MKX: variants seen among roughly 807,000 people sequenced by gnomAD.
MKX encodes mohawk homeobox.
In MKX, 13 loss-of-function variants were observed where a neutral mutation model predicts 36.0. The observed-to-expected ratio is 0.36, with a 90% confidence interval of 0.24 to 0.57. The LOEUF (loss-of-function observed/expected upper bound fraction) is 0.57, where lower values mean the gene tolerates loss of function less well. MKX is among the 20% of genes least tolerant of loss of function. The pLI is 0.79. For missense variants in MKX, 458 were observed against 456.4 expected, an observed-to-expected ratio of 1.00 and a Z score of -0.03; for synonymous variants, 176 against 178.3, an observed-to-expected ratio of 0.99 and a Z score of 0.10.
chr10:27,731,064 G>A (rs1417016082), intron 5 of MKX, among the ~76,000 whole-genome samples: 1 of 150,496 alleles, frequency 6.6e-6, no homozygotes, highest in Non-Finnish European at 1.5e-5. Context: ...AACTTGGGAG[G>A]TGGAGGTTGC....
chr10:27,734,548 T>C lies in MKX; in HGVS notation c.746A>G (p.Asn249Ser). The part of the protein sequence containing the change: ...TTMMGKTRQR[N>S]HSGSFSSNEF... The stretch of plus-strand genomic sequence containing the variant: ...ATTGGAGCTAAAAGATCCCGAGTGG[T>C]TTCTTTGCCTTGTTTTTCCCATCAT... Residue 249 changes from asparagine (N) to serine (S), a missense_variant, in exon 5 of 7, where the codon AAC becomes AGC. This residue lies in a region of MKX where 297 missense variants were observed against 304.4 expected (regional missense o/e 0.98). Coordinates refer to ENST00000419761, the MANE Select transcript of MKX (RefSeq NM_173576.3). The C allele has an allele frequency of 6.2e-7, 1 of 1,614,096 alleles. No individual in the cohort carries two copies. Among genetic ancestry groups the C allele is most frequent in the Non-Finnish European group, 8.5e-7 (1 of 1,180,006 alleles).
chr10:27,687,009 C>CT (rs773711831), intron 5 of MKX, among the ~76,000 whole-genome samples: 1,160 of 62,824 alleles, frequency 0.018, 15 homozygotes, highest in African/African-American at 0.032. Flanking sequence ...ACACCTCTCT[C>CT]TTTTTTTTTT....
intron 5 of MKX, among the ~76,000 whole-genome samples, chr10:27,683,002 G>T (rs78764535): frequency 4.0e-5 from 6 of 150,508 alleles, no homozygotes; most frequent in African/African-American, 1.5e-4. Flanking sequence ...AAAAAGAAAA[G>T]AAAAGAAAAG....
chr10:27,711,204 AG>A (rs1200708108), intron 5 of MKX, among the ~76,000 whole-genome samples: 1 of 152,226 alleles, frequency 6.6e-6, no homozygotes, highest in Non-Finnish European at 1.5e-5. Flanking sequence ...ACCACCAACA[AG>A]AAGAGAAGCT....
At chr10:27,712,971 T>C (rs1836899378) in intron 5 of MKX, among the ~76,000 whole-genome samples, 1 of 152,120 alleles carries the variant, frequency 6.6e-6, no homozygotes, top group African/African-American at 2.4e-5. Context: ...TCATATGAAT[T>C]GCTGTGATGG....
intron 5 of MKX, among the ~76,000 whole-genome samples, chr10:27,694,527 A>ATATATATATAT (rs1554770421): frequency 2.4e-4 from 28 of 114,332 alleles, no homozygotes; most frequent in East Asian, 1.8e-3. Context: ...AAAAAAAAAA[A>ATATATATATAT]ATATATATAT....
chr10:27,727,217 G>T (rs1052117976), intron 5 of MKX, among the ~76,000 whole-genome samples: 7 of 152,122 alleles, frequency 4.6e-5, no homozygotes, highest in Admixed American at 1.3e-4. Flanking sequence ...TCATACTTTC[G>T]ATTTGTTTAT....
At chr10:27,732,449 C>T (rs1834652446) in intron 5 of MKX, among the ~76,000 whole-genome samples, 2 of 152,232 alleles carry the variant, frequency 1.3e-5, no homozygotes, top group Admixed American at 1.3e-4. Flanking sequence ...AGTACTTCAT[C>T]ATAATTTTTT....
chr10:27,699,654 C>T (rs1237657244), intron 5 of MKX, among the ~76,000 whole-genome samples: 2 of 152,180 alleles, frequency 1.3e-5, no homozygotes, highest in Admixed American at 1.3e-4. Flanking sequence ...TAGAAAGAGA[C>T]TCCATTTAAT....
At chr10:27,706,023 T>TATC (rs1212586950) in intron 5 of MKX, among the ~76,000 whole-genome samples, 2 of 152,144 alleles carry the variant, frequency 1.3e-5, no homozygotes, top group South Asian at 2.1e-4. Flanking sequence ...TTCATTAAAC[T>TATC]ATCACTCCTC....
intron 3 of MKX, among the ~76,000 whole-genome samples, 163 bp from the exon 4 acceptor site, chr10:27,735,537 C>T (rs1834742418): frequency 6.6e-6 from 1 of 152,160 alleles, no homozygotes; most frequent in African/African-American, 2.4e-5. Flanking sequence ...ATTTGACAAA[C>T]ATGTTGCTTA....
chr10:27,731,203 T>A (rs1220874047), intron 5 of MKX, among the ~76,000 whole-genome samples: 1 of 151,824 alleles, frequency 6.6e-6, no homozygotes, highest in African/African-American at 2.4e-5. Context: ...AAATAAATTG[T>A]AAAGTGTTCT....
At chr10:27,727,549 T>C (rs1037409038) in intron 5 of MKX, among the ~76,000 whole-genome samples, 7 of 152,246 alleles carry the variant, frequency 4.6e-5, no homozygotes, top group Admixed American at 4.6e-4. Context: ...CAATCATCAC[T>C]CATAAATGTT....
Position 27,741,127 on chromosome 10 carries a change from A to T in MKX, c.348+218T>A, listed in dbSNP as rs576059456. On this transcript the variant is annotated intron_variant, in intron 3 of 6. Coordinates refer to ENST00000419761, the MANE Select transcript of MKX (RefSeq NM_173576.3). This position sits in a 1 kb window ranked among gnomAD's most constrained non-coding sequence, Gnocchi z 5.1. ...CTCGTAAGTCTGCAGTTTACTTTTCACTTCCCTACCTGACAGCGCATCCTG... is the reference window on the plus strand; with the variant it reads ...CTCGTAAGTCTGCAGTTTACTTTTCTCTTCCCTACCTGACAGCGCATCCTG... Among the ~76,000 whole-genome samples the T allele has an allele frequency of 5.3e-4, 81 of 152,222 alleles. 1 individual carries two copies. Among genetic ancestry groups the T allele is most frequent in the Non-Finnish European group, 2.9e-5 (2 of 68,022 alleles).
At chr10:27,691,977 A>G (rs1170793029) in intron 5 of MKX, among the ~76,000 whole-genome samples, 1 of 152,062 alleles carries the variant, frequency 6.6e-6, no homozygotes, top group Non-Finnish European at 1.5e-5. Context: ...GGGTTATTTA[A>G]TGTGTTTGGT....
chr10:27,735,409 A>G, intron 3 of MKX, 35 bp from the exon 4 acceptor site: 3 of 1,574,432 alleles, frequency 1.9e-6, no homozygotes, highest in Admixed American at 1.8e-5. Flanking sequence ...AACAAAACTT[A>G]AAAACATTAT....
intron 5 of MKX, among the ~76,000 whole-genome samples, chr10:27,694,527 A>AAAATATATAC (rs547670335): frequency 8.7e-6 from 1 of 114,344 alleles, no homozygotes; most frequent in Non-Finnish European, 1.7e-5. Flanking sequence ...AAAAAAAAAA[A>AAAATATATAC]ATATATATAT....
At chr10:27,719,338 A>G (rs1039341266) in intron 5 of MKX, among the ~76,000 whole-genome samples, 2 of 152,160 alleles carry the variant, frequency 1.3e-5, no homozygotes, top group African/African-American at 4.8e-5. Flanking sequence ...ACAGTTCACA[A>G]AGAATAAGTA....
chr10:27,739,681 TA>T (rs1834853023), intron 3 of MKX, among the ~76,000 whole-genome samples: 1 of 152,160 alleles, frequency 6.6e-6, no homozygotes, highest in Non-Finnish European at 1.5e-5. Context: ...CTTCATAATT[TA>T]AAAATGTCCT....
Sources: gnomAD v4.1 joint callset for allele counts (sites outside exome capture counted in the v4.1 genomes callset) on GRCh38, gnomAD v4.1.1 for gene constraint, gnomAD v4.1.1 regional missense constraint, Gnocchi (gnomAD v3.1) non-coding constraint, MANE v1.5 for transcripts, NCBI Gene and HGNC (gene_info 2026-07-23, HGNC 2026-07-21) for gene names.